SLC17A6: variants seen among roughly 807,000 people sequenced by gnomAD.
SLC17A6 encodes the protein vesicular glutamate transporter 2.
In SLC17A6, 35 loss-of-function variants were observed where a neutral mutation model predicts 67.1. That is an observed-to-expected ratio of 0.52 (90% CI 0.40 to 0.69). The LOEUF is 0.69. SLC17A6 is among the 30% of genes least tolerant of loss of function. The probability of loss-of-function intolerance (pLI) is 0.00; values close to 1 mark genes in which losing one functional copy is unlikely to be tolerated. For synonymous variants in SLC17A6, 285 were observed against 252.3 expected (o/e 1.13, Z -1.23); for missense variants, 588 against 723.9 (o/e 0.81, Z 2.15).
intron 7 of SLC17A6, among the ~76,000 whole-genome samples, chr11:22,366,776 G>A (rs557418362): frequency 1.3e-5 from 2 of 152,068 alleles, no homozygotes; most frequent in Non-Finnish European, 2.9e-5. Flanking sequence ...AGGCCGAGGC[G>A]GGTGGATTGC....
intron 3 of SLC17A6, among the ~76,000 whole-genome samples, chr11:22,344,431 G>C (rs758437009): frequency 1.9e-4 from 29 of 152,076 alleles, no homozygotes; most frequent in Non-Finnish European, 4.0e-4. Context: ...TTTCACTAGC[G>C]GTGTCATTTC....
At chr11:22,361,700 G>A (rs1856054351) in intron 5 of SLC17A6, among the ~76,000 whole-genome samples, 2 of 148,442 alleles carry the variant, frequency 1.3e-5, no homozygotes, top group African/African-American at 5.0e-5. Context: ...AGCTCTTTCT[G>A]CTAATCTGAA....
intron 8 of SLC17A6, among the ~76,000 whole-genome samples, chr11:22,372,857 C>T (rs1212395902): frequency 6.6e-6 from 1 of 152,134 alleles, no homozygotes; most frequent in Non-Finnish European, 1.5e-5. Context: ...CAAGTGATTA[C>T]TCATGATAAG....
At chr11:22,347,477 TTTAG>T (rs1319285289) in intron 3 of SLC17A6, among the ~76,000 whole-genome samples, 2 of 144,476 alleles carry the variant, frequency 1.4e-5, no homozygotes, top group Non-Finnish European at 3.0e-5. Flanking sequence ...GCCGTTATTA[TTTAG>T]TATTAATGAA....
At chr11:22,360,192 T>C (rs1000675002) in intron 4 of SLC17A6, among the ~76,000 whole-genome samples, 5 of 151,296 alleles carry the variant, frequency 3.3e-5, no homozygotes, top group African/African-American at 1.2e-4. Flanking sequence ...CAGATGGAGC[T>C]GGAAGCCATT....
At chr11:22,358,633 CAGA>C (rs1432623626) in intron 3 of SLC17A6, among the ~76,000 whole-genome samples, 2 of 152,134 alleles carry the variant, frequency 1.3e-5, no homozygotes, top group Non-Finnish European at 2.9e-5. Context: ...TGCACCCGAC[CAGA>C]AGATTTTTTT....
chr11:22,343,308 G>T lies in SLC17A6; in HGVS notation c.401G>T (p.Gly134Val), dbSNP rs1457475700. Residue 134 changes from glycine (G) to valine (V), a missense_variant, in exon 3 of 12, where the codon GGC (glycine) becomes GTC (valine). By Grantham distance (109) the Gly-to-Val change is moderately radical. Coordinates refer to ENST00000263160, the MANE Select transcript of SLC17A6 (RefSeq NM_020346.3). Reference sequence around the variant, plus strand: ...ATGATCCACGGTTCCTTCTTTTGGGGCTACATCATCACTCAGATTCCGGGA... The same window carrying T: ...ATGATCCACGGTTCCTTCTTTTGGGTCTACATCATCACTCAGATTCCGGGA... ...VGMIHGSFFW[G>V]YIITQIPGGY... 6.2e-7 allele frequency: 1 copy of T among 1,612,786 alleles called. No homozygotes were observed. Among genetic ancestry groups the T allele is most frequent in the Admixed American group, 1.7e-5 (1 of 59,660 alleles).
chr11:22,342,014 C>T (rs1463689587), intron 2 of SLC17A6, among the ~76,000 whole-genome samples: 2 of 152,224 alleles, frequency 1.3e-5, no homozygotes, highest in African/African-American at 4.8e-5. Context: ...GAGGGTCTAG[C>T]TCACCAGGTT....
chr11:22,372,394 AT>A (rs1856183820), intron 8 of SLC17A6, among the ~76,000 whole-genome samples: 1 of 148,648 alleles, frequency 6.7e-6, no homozygotes, highest in African/African-American at 2.5e-5. Flanking sequence ...ACATACACAT[AT>A]ATATATATAA....
At chr11:22,362,234 C>T in intron 5 of SLC17A6, 1 of 471,706 alleles carries the variant, frequency 2.1e-6, no homozygotes, top group Non-Finnish European at 4.1e-6. Flanking sequence ...CATCTTCTGG[C>T]CATGCTTTGA....
intron 3 of SLC17A6, among the ~76,000 whole-genome samples, chr11:22,349,434 A>G (rs987954368): frequency 6.6e-6 from 1 of 152,194 alleles, no homozygotes; most frequent in African/African-American, 2.4e-5. Flanking sequence ...ACCCTTTACC[A>G]TAAGATGAAT....
intron 3 of SLC17A6, among the ~76,000 whole-genome samples, chr11:22,353,204 T>C (rs1855961458): frequency 6.6e-6 from 1 of 152,222 alleles, no homozygotes; most frequent in Admixed American, 6.5e-5. Flanking sequence ...TTATTTAGTC[T>C]TCATGATACT....
intron 8 of SLC17A6, 104 bp from the exon 9 acceptor site, chr11:22,374,651 C>A: frequency 1.1e-6 from 1 of 924,604 alleles, no homozygotes; most frequent in Non-Finnish European, 1.5e-6. Context: ...TTTTTCCTTC[C>A]TTTGTCCATA....
At chr11:22,364,349 A>G (rs1208437186) in intron 6 of SLC17A6, among the ~76,000 whole-genome samples, 1 of 152,076 alleles carries the variant, frequency 6.6e-6, no homozygotes. Flanking sequence ...CATCCACTCT[A>G]CTTGTTGATT....
intron 8 of SLC17A6, among the ~76,000 whole-genome samples, chr11:22,372,961 G>T (rs951006047): frequency 6.6e-6 from 1 of 152,110 alleles, no homozygotes; most frequent in African/African-American, 2.4e-5. Context: ...CACATATTAA[G>T]AAAATAGGAG....
intron 3 of SLC17A6, among the ~76,000 whole-genome samples, chr11:22,344,462 C>T (rs1855853302): frequency 6.6e-6 from 1 of 152,122 alleles, no homozygotes; most frequent in South Asian, 2.1e-4. Flanking sequence ...TTCTCAGAGT[C>T]CTCAGGGCCT....
intron 7 of SLC17A6, among the ~76,000 whole-genome samples, chr11:22,369,526 TTAGA>T (rs987362967): frequency 1.3e-5 from 2 of 151,978 alleles, no homozygotes; most frequent in African/African-American, 4.8e-5. Flanking sequence ...AATAATTGAC[TTAGA>T]TTGATTGGTA....
Position 22,360,930 on chromosome 11 carries a change from A to G in SLC17A6, c.607A>G (p.Ser203Gly), listed in dbSNP as rs1223648858. Reference protein sequence around the residue: ...VTYPACHGIWSKWAPPLERSR... With the variant: ...VTYPACHGIWGKWAPPLERSR... ...CTACCCAGCATGTCATGGGATATGG[A>G]GCAAATGGGCCCCACCTCTAGAGAG... The change falls in exon 5 of 12, where the codon AGC becomes GGC. Residue 203 changes from serine (S) to glycine (G), a missense_variant. This residue lies in a region of SLC17A6 where 414 missense variants were observed against 563.4 expected (regional missense o/e 0.73). Transcript: ENST00000263160. 1.2e-6 allele frequency: 2 copies of G among 1,614,040 alleles called. No homozygotes were observed. Among genetic ancestry groups the G allele is most frequent in the Admixed American group, 3.3e-5 (2 of 60,030 alleles).
chr11:22,342,107 A>G (rs76717575), intron 2 of SLC17A6, among the ~76,000 whole-genome samples: 7,311 of 152,270 alleles, frequency 0.048, 554 homozygotes, highest in African/African-American at 0.17. Flanking sequence ...TTTTACTTGG[A>G]TGAATAGTGT....
Sources: gnomAD v4.1 joint callset for allele counts (sites outside exome capture counted in the v4.1 genomes callset) on GRCh38, gnomAD v4.1.1 for gene constraint, gnomAD v4.1.1 regional missense constraint, MANE v1.5 for transcripts, NCBI Gene and HGNC (gene_info 2026-07-23, HGNC 2026-07-21) for gene names.